TGFBR3: variants seen among roughly 807,000 people sequenced by gnomAD.
TGFBR3 encodes the protein transforming growth factor beta receptor type 3.
TGFBR3 carries 46 observed loss-of-function variants against 87.9 expected under a neutral mutation model. The observed-to-expected ratio is 0.52, with a 90% confidence interval of 0.41 to 0.67. TGFBR3 has a LOEUF of 0.67. Among genes scored for constraint, TGFBR3 ranks in the 30% least tolerant of loss-of-function variants. The probability of loss-of-function intolerance (pLI) is 0.00; values close to 1 mark genes in which losing one functional copy is unlikely to be tolerated. For synonymous variants in TGFBR3, 381 were observed against 391.6 expected (o/e 0.97, Z 0.32); for missense variants, 866 against 1,041.9 (o/e 0.83, Z 2.32).
chr1:91,865,255 T>C (rs1334290614), intron 1 of TGFBR3, among the ~76,000 whole-genome samples: 2 of 149,940 alleles, frequency 1.3e-5, no homozygotes, highest in African/African-American at 4.9e-5. Flanking sequence ...GTTCTGTCTA[T>C]GGAGTAGCCA....
intron 2 of TGFBR3, among the ~76,000 whole-genome samples, chr1:91,839,168 C>T (rs75597013): frequency 0.025 from 3,844 of 152,168 alleles, 73 homozygotes; most frequent in Non-Finnish European, 0.04. Context: ...CGTAGAGACA[C>T]GGTCTCGCTG....
At chr1:91,800,255 TACACACACAC>T (rs67343577) in intron 2 of TGFBR3, among the ~76,000 whole-genome samples, 5 of 89,320 alleles carry the variant, frequency 5.6e-5, no homozygotes, top group South Asian at 3.8e-4. Context: ...TATATATATA[TACACACACAC>T]ACACACACAC....
intron 14 of TGFBR3, among the ~76,000 whole-genome samples, chr1:91,705,653 C>G (rs1571424373): frequency 6.6e-6 from 1 of 152,178 alleles, no homozygotes; most frequent in East Asian, 1.9e-4. Context: ...TGAGAGGAGT[C>G]ACACACAGCT....
chr1:91,778,812 TATC>T (rs1674663919), intron 3 of TGFBR3, among the ~76,000 whole-genome samples: 1 of 152,138 alleles, frequency 6.6e-6, no homozygotes, highest in African/African-American at 2.4e-5. Context: ...TAAAAATAAA[TATC>T]AGGTGGTAAT....
intron 3 of TGFBR3, chr1:91,783,414 C>T (rs555455736): frequency 6.6e-6 from 1 of 152,346 alleles, no homozygotes; most frequent in East Asian, 1.9e-4. Context: ...TTCAATCAGC[C>T]AGCAGTGCCA....
intron 16 of TGFBR3, among the ~76,000 whole-genome samples, chr1:91,687,927 C>T (rs185268220): frequency 2.1e-4 from 32 of 152,258 alleles, no homozygotes; most frequent in Middle Eastern, 3.4e-3. Context: ...GTGTTGGATG[C>T]GATTTTCTAT....
chr1:91,898,586 G>C (rs1036420699), intron 2 of TGFBR3, among the ~76,000 whole-genome samples: 6 of 151,998 alleles, frequency 3.9e-5, no homozygotes, highest in Admixed American at 2.0e-4. Flanking sequence ...ACAGGCGCCC[G>C]CCACCACGCC....
chr1:91,740,474 C>T lies in TGFBR3; in HGVS notation c.385-5515G>A, dbSNP rs553898016. ...CCACCTCACGGGTTCAATTGATTCT[C>T]CTGCCTCAGCCTCCCAAGTAGCTGG... On this transcript the variant is annotated intron_variant, in intron 4 of 16. Coordinates refer to ENST00000212355, the MANE Select transcript of TGFBR3 (RefSeq NM_003243.5). Among the ~76,000 whole-genome samples the T allele has an allele frequency of 6.6e-5, 10 of 150,446 alleles. No homozygotes were observed. In the South Asian group the frequency reaches 2.1e-3, roughly 32 times the overall value.
chr1:91,901,869 C>T (rs1305556757), intron 1 of TGFBR3, among the ~76,000 whole-genome samples: 2 of 150,834 alleles, frequency 1.3e-5, no homozygotes, highest in African/African-American at 2.4e-5. Context: ...GCTATAAACA[C>T]GCCACTGCAC....
Position 91,720,162 on chromosome 1 carries a change from CA to C in TGFBR3, c.1143del (p.Ala382ProfsTer80). On this transcript the variant is annotated frameshift_variant, in exon 9 of 17. Coordinates refer to ENST00000212355, the MANE Select transcript of TGFBR3 (RefSeq NM_003243.5). LOFTEE classifies it high-confidence loss of function. ...GGCGGGTTCTGCAGGGCAGGCAGGGCACCAGGGTCCAGCAGGATCCGTAGCT... is the reference window on the plus strand; with the variant it reads ...GGCGGGTTCTGCAGGGCAGGCAGGGCCCAGGGTCCAGCAGGATCCGTAGCT... ...PPELRILLDP[G>X]ALPALQNPPI... 6.2e-7 allele frequency: 1 copy of C among 1,613,606 alleles called. No individual in the cohort carries two copies. Among genetic ancestry groups the C allele is most frequent in the Non-Finnish European group, 8.5e-7 (1 of 1,179,824 alleles).
At chr1:91,858,100 GATT>G (rs2101175985) in intron 2 of TGFBR3, among the ~76,000 whole-genome samples, 1 of 152,182 alleles carries the variant, frequency 6.6e-6, no homozygotes, top group Non-Finnish European at 1.5e-5. Context: ...ATAAACTATG[GATT>G]ATTAAAGTAT....
intron 1 of TGFBR3, among the ~76,000 whole-genome samples, chr1:91,878,779 A>G (rs1471781907): frequency 6.6e-6 from 1 of 152,256 alleles, no homozygotes; most frequent in Non-Finnish European, 1.5e-5. Context: ...GGCATATACC[A>G]GAGAAATGAA....
chr1:91,756,432 C>A (rs988610615), intron 4 of TGFBR3, among the ~76,000 whole-genome samples: 6 of 152,092 alleles, frequency 3.9e-5, no homozygotes, highest in African/African-American at 1.4e-4. Flanking sequence ...AGTACCAACT[C>A]TGCAAGTAAC....
chr1:91,810,221 C>T (rs1446656404), intron 2 of TGFBR3, among the ~76,000 whole-genome samples: 2 of 152,090 alleles, frequency 1.3e-5, no homozygotes, highest in African/African-American at 4.8e-5. Flanking sequence ...ACCACACCAG[C>T]TCATGTCTTA....
chr1:91,819,285 T>C (rs1452252643), intron 2 of TGFBR3, among the ~76,000 whole-genome samples: 2 of 151,968 alleles, frequency 1.3e-5, no homozygotes, highest in African/African-American at 4.8e-5. Flanking sequence ...GGAGAATCAC[T>C]TGAACTCGAG....
At chr1:91,802,421 C>T (rs964772906) in intron 2 of TGFBR3, among the ~76,000 whole-genome samples, 7 of 151,534 alleles carry the variant, frequency 4.6e-5, no homozygotes, top group East Asian at 3.9e-4. Context: ...AGGGCAGTGA[C>T]GCGCTCTCAG....
At chr1:91,824,955 G>A (rs180927232) in intron 2 of TGFBR3, among the ~76,000 whole-genome samples, 8 of 152,208 alleles carry the variant, frequency 5.3e-5, no homozygotes, top group South Asian at 2.1e-4. Context: ...GCAAGACTCC[G>A]TCTCAAAAAA....
chr1:91,728,139 T>C (rs1014843030), intron 6 of TGFBR3, among the ~76,000 whole-genome samples: 2 of 152,176 alleles, frequency 1.3e-5, no homozygotes, highest in Non-Finnish European at 2.9e-5. Context: ...TGTTGCTTTT[T>C]CAACCTTCAA....
chr1:91,769,644 T>C (rs1015502672), intron 3 of TGFBR3, among the ~76,000 whole-genome samples: 1 of 151,970 alleles, frequency 6.6e-6, no homozygotes, highest in Non-Finnish European at 1.5e-5. Context: ...TTGTTTTTTT[T>C]GTTTTTTTTT....
Sources: gnomAD v4.1 joint callset for allele counts (sites outside exome capture counted in the v4.1 genomes callset) on GRCh38, gnomAD v4.1.1 for gene constraint, MANE v1.5 for transcripts, NCBI Gene and HGNC (gene_info 2026-07-23, HGNC 2026-07-21) for gene names.